Variants in HTR4 observed in about 807,000 individuals in gnomAD.
HTR4 encodes the protein 5-hydroxytryptamine (serotonin) receptor 4, G protein-coupled.
In HTR4, 16 loss-of-function variants were observed where a neutral mutation model predicts 36.8. The observed-to-expected ratio is 0.43, with a 90% confidence interval of 0.29 to 0.66. The LOEUF is 0.66. Among genes scored for constraint, HTR4 ranks in the 30% least tolerant of loss-of-function variants. HTR4 has a pLI of 0.13. For missense variants in HTR4, 438 were observed against 490.9 expected, an observed-to-expected ratio of 0.89 and a Z score of 1.02; for synonymous variants, 189 against 185.1, an observed-to-expected ratio of 1.02 and a Z score of -0.17.
chr5:148,574,865 A>G (rs1345824859), intron 2 of HTR4, among the ~76,000 whole-genome samples: 1 of 152,106 alleles, frequency 6.6e-6, no homozygotes, highest in African/African-American at 2.4e-5. Context: ...CAAATGACAT[A>G]AAATAATTTT....
chr5:148,646,939 C>T (rs1233374832), intron 1 of HTR4, among the ~76,000 whole-genome samples: 1 of 152,132 alleles, frequency 6.6e-6, no homozygotes, highest in African/African-American at 2.4e-5. Flanking sequence ...CTCAATGATC[C>T]CCTATCTCAG....
chr5:148,497,119 T>A (rs758124513), intron 6 of HTR4, among the ~76,000 whole-genome samples: 6 of 152,090 alleles, frequency 3.9e-5, no homozygotes, highest in Non-Finnish European at 8.8e-5. Flanking sequence ...AAAGGTCTTA[T>A]ACTTTTCAAA....
chr5:148,650,897 T>C (rs1293629482), intron 1 of HTR4, among the ~76,000 whole-genome samples: 1 of 152,186 alleles, frequency 6.6e-6, no homozygotes, highest in Non-Finnish European at 1.5e-5. Context: ...GGCTTGAGGA[T>C]ATCTAAGCTC....
chr5:148,595,413 A>G (rs909221016), intron 2 of HTR4, among the ~76,000 whole-genome samples: 4 of 152,086 alleles, frequency 2.6e-5, no homozygotes. Flanking sequence ...CCTCCCAAAA[A>G]TTACAAAAGA....
At chr5:148,467,507 A>G (rs1028324871) in intron 5 of HTR4, among the ~76,000 whole-genome samples, 5 of 152,212 alleles carry the variant, frequency 3.3e-5, no homozygotes, top group African/African-American at 1.2e-4. Flanking sequence ...TTCCTTGTGA[A>G]AATTTCAGAA....
chr5:148,625,964 G>A (rs1339525062), intron 2 of HTR4, among the ~76,000 whole-genome samples: 1 of 151,820 alleles, frequency 6.6e-6, no homozygotes, highest in South Asian at 2.1e-4. Context: ...GAATTCCAAG[G>A]CTGGTCTCTA....
chr5:148,580,766 C>T (rs1055945831), intron 2 of HTR4, among the ~76,000 whole-genome samples: 35 of 152,022 alleles, frequency 2.3e-4, no homozygotes, highest in African/African-American at 7.5e-4. Flanking sequence ...TTTGCCTATT[C>T]ATTCATCTGT....
chr5:148,572,261 T>C (rs1159430508), intron 2 of HTR4, among the ~76,000 whole-genome samples: 1 of 152,076 alleles, frequency 6.6e-6, no homozygotes, highest in Non-Finnish European at 1.5e-5. Flanking sequence ...GAGTCATATC[T>C]GTTTTTTATG....
intron 5 of HTR4, among the ~76,000 whole-genome samples, chr5:148,463,832 A>C (rs966180969): frequency 6.6e-6 from 1 of 152,174 alleles, no homozygotes; most frequent in Non-Finnish European, 1.5e-5. Context: ...CAACTTCAAG[A>C]CTTAATATAA....
chr5:148,476,935 G>T (rs1015260456), downstream of HTR4, among the ~76,000 whole-genome samples: 2 of 152,152 alleles, frequency 1.3e-5, no homozygotes, highest in African/African-American at 2.4e-5. Flanking sequence ...AGGTGCCAGG[G>T]GAATCATGCC....
intron 4 of HTR4, among the ~76,000 whole-genome samples, chr5:148,527,845 C>T (rs558906380): frequency 7.4e-4 from 112 of 152,258 alleles, no homozygotes; most frequent in African/African-American, 2.6e-3. Flanking sequence ...AATTCCTGGC[C>T]TCAAGTGATT....
intron 4 of HTR4, among the ~76,000 whole-genome samples, chr5:148,548,204 C>T (rs1185747314): frequency 1.3e-5 from 2 of 152,192 alleles, no homozygotes; most frequent in African/African-American, 4.8e-5. Flanking sequence ...CAATTATATG[C>T]ACATACATAA....
chr5:148,553,920 T>A (rs1759813568), intron 2 of HTR4, among the ~76,000 whole-genome samples: 1 of 152,196 alleles, frequency 6.6e-6, no homozygotes, highest in African/African-American at 2.4e-5. Flanking sequence ...AACAGACACT[T>A]GTATACCAAC....
intron 2 of HTR4, among the ~76,000 whole-genome samples, chr5:148,615,692 T>G (rs374773000): frequency 2.1e-4 from 31 of 146,708 alleles, no homozygotes; most frequent in African/African-American, 4.3e-4. Flanking sequence ...ATTAAAAAAA[T>G]AAAGAAAGAA....
At chr5:148,483,902 G>A (rs1010530317) in intron 6 of HTR4, among the ~76,000 whole-genome samples, 3 of 151,360 alleles carry the variant, frequency 2.0e-5, no homozygotes, top group African/African-American at 7.3e-5. Flanking sequence ...AATTCCTGAG[G>A]TTCTTTATTA....
At chr5:148,533,933 A>G (rs781568437) in intron 4 of HTR4, among the ~76,000 whole-genome samples, 4 of 152,220 alleles carry the variant, frequency 2.6e-5, no homozygotes, top group Non-Finnish European at 5.9e-5. Context: ...ACATTATTTA[A>G]CAAATAATAA....
At chr5:148,542,616 A>G (rs1759175212) in intron 4 of HTR4, among the ~76,000 whole-genome samples, 1 of 152,362 alleles carries the variant, frequency 6.6e-6, no homozygotes, top group South Asian at 2.1e-4. Context: ...AGAGAATACT[A>G]TCTTCAAGGA....
At chr5:148,524,738 T>A (rs1281973513) in intron 4 of HTR4, among the ~76,000 whole-genome samples, 13 of 152,214 alleles carry the variant, frequency 8.5e-5, no homozygotes, top group Admixed American at 7.8e-4. Flanking sequence ...CATTTAATGA[T>A]GAACCACCCT....
At chr5:148,639,656 T>C (rs1304157474) in intron 1 of HTR4, among the ~76,000 whole-genome samples, 1 of 139,238 alleles carries the variant, frequency 7.2e-6, no homozygotes, top group African/African-American at 2.6e-5. Flanking sequence ...GTCAATTGCT[T>C]CTTTATTTGT....
Sources: gnomAD v4.1 joint callset for allele counts (sites outside exome capture counted in the v4.1 genomes callset) on GRCh38, gnomAD v4.1.1 for gene constraint, MANE v1.5 for transcripts, NCBI Gene and HGNC (gene_info 2026-07-23, HGNC 2026-07-21) for gene names.